Variants in ABCA6 observed in about 807,000 individuals in gnomAD.
The protein encoded by ABCA6 is ATP-binding cassette sub-family A member 6.
In ABCA6, 164 loss-of-function variants were observed where a neutral mutation model predicts 191.2. The observed-to-expected ratio is 0.86, with a 90% CI of 0.76 to 0.98. The LOEUF is 0.98. Ranked by LOEUF, ABCA6 falls within the 50% of genes least tolerant of loss-of-function variation. The pLI, the probability that ABCA6 is intolerant of heterozygous loss-of-function variation, is 0.00. For missense variants in ABCA6, 1,958 were observed against 1,894.1 expected (o/e 1.03, Z -0.63); for synonymous variants, 636 against 647.7 (o/e 0.98, Z 0.27).
At position 69,100,751 on chromosome 17, in the gene ABCA6, T is replaced by C. The variant is rs761948744; in HGVS notation, c.3012+46A>G. The C allele has an allele frequency of 5.3e-6, 8 of 1,522,088 alleles. No homozygotes were observed. In the East Asian group the frequency reaches 1.9e-4, roughly 36 times the overall value. The allele number at this position is 1,522,088 out of a possible 1,614,324, so 94.3% of individuals were successfully genotyped here. On this transcript the variant is annotated intron_variant, in intron 22 of 38. Coordinates refer to ENST00000284425, the MANE Select transcript of ABCA6 (RefSeq NM_080284.3). ...AGCTAAAGAGAGAAAACATAGGCTA[T>C]TTGTCCAATTCTTAATTGTTTAGAC...
rs765073221 is a variant in ABCA6, at chr17:69,123,427, C to T, written c.1268-20G>A. On this transcript the variant is annotated intron_variant, in intron 9 of 38. Coordinates refer to ENST00000284425, the MANE Select transcript of ABCA6 (RefSeq NM_080284.3). The stretch of plus-strand genomic sequence containing the variant: ...CTCCATCTAATTAACCAAGAGGCAA[C>T]AAAATATGATCAGTAATAGTAAAAG... The T allele has an allele frequency of 1.4e-6, 2 of 1,439,758 alleles. No individual in the cohort carries two copies. Among genetic ancestry groups the T allele is most frequent in the Non-Finnish European group, 1.9e-6 (2 of 1,077,520 alleles). 89.2% of individuals were successfully genotyped at this position (1,439,758 alleles called of 1,614,324 possible).
chr17:69,106,170 T>G lies in ABCA6; in HGVS notation c.2431A>C (p.Asn811His). Residue 811 changes from asparagine to histidine, a missense_variant, in exon 19 of 39, where the codon AAT becomes CAT. Coordinates refer to ENST00000284425, the MANE Select transcript of ABCA6 (RefSeq NM_080284.3). ...GAAGAGTGAGCCAGCTCCATTTCATTGAGGCTTTCTGAGTCTCTTATCATC... is the reference window on the plus strand; with the variant it reads ...GAAGAGTGAGCCAGCTCCATTTCATGGAGGCTTTCTGAGTCTCTTATCATC... ...VEMIRDSESLNEMELAHSSFS... is the reference protein window; with the variant it reads ...VEMIRDSESLHEMELAHSSFS... The G allele has an allele frequency of 6.2e-7, 1 of 1,613,552 alleles. No homozygotes were observed. The highest frequency in any genetic ancestry group is 8.5e-7 in the Non-Finnish European group (1 of 1,179,720).
chr17:69,094,919 G>C (rs1291868758), intron 25 of ABCA6: 7 of 152,612 alleles, frequency 4.6e-5, no homozygotes, highest in African/African-American at 1.7e-4. Context: ...CACTCACTAG[G>C]GCATCTGCAG....
rs201787052 is a variant in ABCA6, at chr17:69,110,916, G to A, written c.2157C>T (p.Asn719=). 6.2e-7 allele frequency: 1 copy of A among 1,605,630 alleles called. No individual in the cohort carries two copies. ...HLSLHRNEIC[N]PEQITSFITH... ...TAATGAAGGATGTTATTTGTTCTGG[G>A]TTACATATTTCATTCCTATGTAAAC... Residue 719 remains asparagine (N), a synonymous_variant, in exon 17 of 39, where the codon AAC becomes AAT. Coordinates refer to ENST00000284425, the MANE Select transcript of ABCA6 (RefSeq NM_080284.3).
chr17:69,124,865 G>C, intron 9 of ABCA6, 23 bp downstream of exon 9: 1 of 1,464,412 alleles, frequency 6.8e-7, no homozygotes. Flanking sequence ...GTAGAGGACA[G>C]AGAAAAACTC....
Position 69,133,870 on chromosome 17 carries a change from A to G in ABCA6, c.565-3T>C, listed in dbSNP as rs2144717102. ...ATCACAGGGTGATTGGTTGTGATCT[A>G]AAGTAGAGTTTAAACAAACATAATT... On this transcript the variant is annotated splice_region_variant and splice_polypyrimidine_tract_variant and intron_variant, in intron 5 of 38. Transcript: ENST00000284425. The G allele has an allele frequency of 2.6e-6, 4 of 1,547,274 alleles. No homozygotes were observed. The East Asian group carries it at 6.8e-5, about 26-fold the overall frequency.
intron 17 of ABCA6, chr17:69,110,593 CCT>C (rs2073403387): frequency 2.0e-6 from 1 of 491,296 alleles, no homozygotes; most frequent in Non-Finnish European, 3.5e-6. Flanking sequence ...CCTTCCCTTC[CCT>C]CTCTCCTGTC....
At position 69,133,721 on chromosome 17, in the gene ABCA6, A is replaced by G; in HGVS notation, c.711T>C (p.Phe237=). The part of the protein sequence containing the change: ...FLLHFSPLVY[F]ISLNVTKERK... ...TCTCTTTTGTTACATTGAGTGATAT[A>G]AAATATACAAGTGGGGAGAAATGAA... Residue 237 remains phenylalanine (F), a synonymous_variant, in exon 6 of 39, where the codon TTT becomes TTC. Transcript: ENST00000284425. The G allele has an allele frequency of 6.2e-7, 1 of 1,611,966 alleles. No homozygotes were observed. The highest frequency in any genetic ancestry group is 8.5e-7 in the Non-Finnish European group (1 of 1,178,492).
intron 16 of ABCA6, chr17:69,111,141 C>A: frequency 2.3e-6 from 1 of 434,966 alleles, no homozygotes. Context: ...AAGCTCAGAA[C>A]AATTACAAAA....
chr17:69,134,353 G>T (rs1269143022), intron 5 of ABCA6, among the ~76,000 whole-genome samples: 1 of 152,124 alleles, frequency 6.6e-6, no homozygotes, highest in Non-Finnish European at 1.5e-5. Context: ...AGGCTAGAGG[G>T]AACTAGCTGA....
intron 36 of ABCA6, among the ~76,000 whole-genome samples, chr17:69,081,793 TC>T (rs1471455306): frequency 6.6e-6 from 1 of 152,168 alleles, no homozygotes; most frequent in Admixed American, 6.5e-5. Context: ...TGATTCCCCC[TC>T]CTCCCAGAAG....
In ABCA6 at chr17:69,085,065, C is replaced by G; in HGVS notation, c.4147G>C (p.Gly1383Arg). The G allele has an allele frequency of 3.1e-6, 5 of 1,613,334 alleles. No homozygotes were observed. The highest frequency in any genetic ancestry group is 4.2e-6 in the Non-Finnish European group (5 of 1,179,820). ...EHLEVYAAVK[G>R]LRKADARLAI... is the part of the protein sequence containing the mutation. The stretch of plus-strand genomic sequence containing the variant: ...AGCCTCGCGTCCGCTTTCCTGAGCC[C>G]CTTGACGGCAGCATACACCTCCAGG... The change falls in exon 32 of 39, where the codon GGG (glycine) becomes CGG (arginine). Residue 1383 changes from glycine to arginine, a missense_variant. Coordinates refer to ENST00000284425, the MANE Select transcript of ABCA6 (RefSeq NM_080284.3).
intron 10 of ABCA6, among the ~76,000 whole-genome samples, chr17:69,118,294 C>G (rs993164013): frequency 6.6e-6 from 1 of 151,850 alleles, no homozygotes; most frequent in Admixed American, 6.6e-5. Context: ...GGGTCTTGAA[C>G]TGGCATCCTG....
chr17:69,086,125 G>A (rs12162136), intron 30 of ABCA6, among the ~76,000 whole-genome samples: 39,665 of 151,884 alleles, frequency 0.26, 5,839 homozygotes, highest in East Asian at 0.58. Context: ...TGATATAAAA[G>A]CCTCTGAACT....
chr17:69,139,170 C>T (rs1004244824), intron 2 of ABCA6, among the ~76,000 whole-genome samples: 14 of 151,922 alleles, frequency 9.2e-5, no homozygotes, highest in East Asian at 3.9e-4. Flanking sequence ...ACCTACAAAA[C>T]GGGAGAAAAT....
chr17:69,137,547 C>G (rs2073969600), intron 2 of ABCA6, 47 bp from the exon 3 acceptor site: 3 of 1,545,932 alleles, frequency 1.9e-6, no homozygotes, highest in African/African-American at 1.4e-5. Flanking sequence ...GTTGCATTCA[C>G]TTAAAGATCT....
At chr17:69,097,814 C>A (rs932593240) in intron 23 of ABCA6, 106 bp downstream of exon 23, 1 of 735,362 alleles carries the variant, frequency 1.4e-6, no homozygotes, top group Non-Finnish European at 2.1e-6. Flanking sequence ...CTAAATTAAA[C>A]ATACATTCAA....
At chr17:69,141,548 G>A (rs2074023750) in intron 1 of ABCA6, among the ~76,000 whole-genome samples, 197 bp downstream of exon 1, 1 of 151,922 alleles carries the variant, frequency 6.6e-6, no homozygotes. Context: ...TAGCACAGAA[G>A]CAAATTTTTT....
At position 69,081,092 on chromosome 17, in the gene ABCA6, G is replaced by GA; in HGVS notation, c.4669dup (p.Ser1557PhefsTer13). The GA allele has an allele frequency of 6.2e-7, 1 of 1,605,654 alleles. No homozygotes were observed. Among genetic ancestry groups the GA allele is most frequent in the Non-Finnish European group, 8.5e-7 (1 of 1,175,852 alleles). ...TGCTTCTAATTTGTGAAAGGTCTGT[G>GA]ATAGAGGGTAAACGTCTGCCACGGG... On this transcript the variant is annotated frameshift_variant, in exon 37 of 39. Transcript: ENST00000284425. LOFTEE classifies it high-confidence loss of function.
Sources: gnomAD v4.1 joint callset for allele counts (sites outside exome capture counted in the v4.1 genomes callset) on GRCh38, gnomAD v4.1.1 for gene constraint, MANE v1.5 for transcripts, NCBI Gene and HGNC (gene_info 2026-07-23, HGNC 2026-07-21) for gene names.